SNX29: variants seen among roughly 807,000 people sequenced by gnomAD.
The protein encoded by SNX29 is sorting nexin-29.
In SNX29, 78 loss-of-function variants were observed where a neutral mutation model predicts 102.1. The ratio of observed to expected loss-of-function variants is 0.76; its 90% confidence interval spans 0.64 to 0.92. The LOEUF (loss-of-function observed/expected upper bound fraction) is 0.92, where lower values mean the gene tolerates loss of function less well. SNX29 is among the 40% of genes least tolerant of loss of function. The pLI is 0.00. For synonymous variants in SNX29, 580 were observed against 414.5 expected (o/e 1.40, Z -4.85); for missense variants, 1,280 against 1,061.7 (o/e 1.21, Z -2.86).
intron 15 of SNX29, among the ~76,000 whole-genome samples, chr16:12,346,389 T>C (rs1321256348): frequency 6.6e-6 from 1 of 152,218 alleles, no homozygotes; most frequent in East Asian, 1.9e-4. Flanking sequence ...TATTTAAACC[T>C]CACAAAAGCC....
chr16:12,152,809 C>G (rs1055729122), intron 13 of SNX29, among the ~76,000 whole-genome samples: 1 of 152,202 alleles, frequency 6.6e-6, no homozygotes, highest in Admixed American at 6.5e-5. Flanking sequence ...AGTAATGGTT[C>G]TGTCTCACAT....
At chr16:12,448,914 C>T (rs1008622936) in intron 18 of SNX29, among the ~76,000 whole-genome samples, 7 of 152,192 alleles carry the variant, frequency 4.6e-5, no homozygotes, top group Admixed American at 2.6e-4. Flanking sequence ...TCACTAGGCT[C>T]TACCCATAGG....
chr16:12,403,370 C>T (rs2084036495), intron 17 of SNX29, 78 bp from the exon 18 acceptor site: 7 of 1,423,816 alleles, frequency 4.9e-6, no homozygotes, highest in Non-Finnish European at 6.8e-6. Context: ...AAAATTGTCT[C>T]CTTTCCTCTT....
At chr16:12,241,952 C>T (rs2078116791) in intron 14 of SNX29, among the ~76,000 whole-genome samples, 1 of 152,112 alleles carries the variant, frequency 6.6e-6, no homozygotes, top group South Asian at 2.1e-4. Flanking sequence ...GCTCAGGTTC[C>T]TGGGGTTGCG....
intron 15 of SNX29, among the ~76,000 whole-genome samples, chr16:12,318,449 C>A (rs2080825410): frequency 6.6e-6 from 1 of 152,162 alleles, no homozygotes; most frequent in Non-Finnish European, 1.5e-5. Context: ...GACTTGGATA[C>A]AAACTCAGCA....
chr16:12,403,718 T>C (rs12924360), intron 18 of SNX29, among the ~76,000 whole-genome samples, 189 bp downstream of exon 18: 77,077 of 152,086 alleles, frequency 0.51, 20,069 homozygotes, highest in Non-Finnish European at 0.58. Flanking sequence ...GGCAGGGGGA[T>C]ACGGTGGGCC....
chr16:12,035,339 G>A (rs2057445517), intron 4 of SNX29, among the ~76,000 whole-genome samples: 1 of 151,706 alleles, frequency 6.6e-6, no homozygotes, highest in African/African-American at 2.4e-5. Flanking sequence ...GGCCTCTCAA[G>A]TAGCTGGGAC....
chr16:12,365,046 G>A (rs2082421043), intron 16 of SNX29, among the ~76,000 whole-genome samples: 1 of 152,172 alleles, frequency 6.6e-6, no homozygotes, highest in Admixed American at 6.5e-5. Flanking sequence ...TTGAGGTACA[G>A]AGAGGTTTTG....
At chr16:12,173,113 A>G (rs533789331) in intron 13 of SNX29, among the ~76,000 whole-genome samples, 32 of 152,324 alleles carry the variant, frequency 2.1e-4, no homozygotes, top group Middle Eastern at 3.4e-3. Flanking sequence ...AAGGAAGTCA[A>G]TTGGCGCCGG....
intron 7 of SNX29, among the ~76,000 whole-genome samples, chr16:12,050,796 C>G (rs2050267209): frequency 1.3e-5 from 2 of 152,116 alleles, no homozygotes; most frequent in Admixed American, 1.3e-4. Flanking sequence ...ACTGCAACCT[C>G]TGCCTCCCGT....
chr16:12,518,668 C>T (rs1469283535), intron 19 of SNX29, among the ~76,000 whole-genome samples: 2 of 152,206 alleles, frequency 1.3e-5, no homozygotes, highest in Non-Finnish European at 2.9e-5. Flanking sequence ...CACATTTAAA[C>T]TCCTCGAGGA....
chr16:12,456,251 A>G (rs2086532416), intron 18 of SNX29, among the ~76,000 whole-genome samples: 1 of 152,240 alleles, frequency 6.6e-6, no homozygotes, highest in South Asian at 2.1e-4. Flanking sequence ...AGAGGACAGC[A>G]AGCCATCAAT....
intron 16 of SNX29, among the ~76,000 whole-genome samples, chr16:12,357,148 A>G (rs536029423): frequency 3.8e-4 from 58 of 152,284 alleles, no homozygotes; most frequent in African/African-American, 1.3e-3. Flanking sequence ...CAACTTCTTT[A>G]TTATGTAAAA....
intron 15 of SNX29, among the ~76,000 whole-genome samples, chr16:12,299,577 A>C (rs2080095050): frequency 6.6e-6 from 1 of 152,104 alleles, no homozygotes; most frequent in African/African-American, 2.4e-5. Flanking sequence ...AAAGGTATTT[A>C]TACAGCATAA....
chr16:12,091,041 A>AAAAAAAAAAAAAAAAAAAC (rs2052512213), intron 11 of SNX29, among the ~76,000 whole-genome samples: 1 of 89,052 alleles, frequency 1.1e-5, no homozygotes, highest in Non-Finnish European at 2.3e-5. Flanking sequence ...AAAAAAAAGA[A>AAAAAAAAAAAAAAAAAAAC]AGAAAAAGAA....
intron 15 of SNX29, among the ~76,000 whole-genome samples, chr16:12,289,525 C>G (rs937786353): frequency 9.2e-5 from 14 of 152,128 alleles, no homozygotes; most frequent in African/African-American, 2.9e-4. Flanking sequence ...GCGCTGGGCC[C>G]TGATCTTTGC....
chr16:12,106,389 T>C (rs2053241233), intron 11 of SNX29, among the ~76,000 whole-genome samples: 1 of 152,150 alleles, frequency 6.6e-6, no homozygotes, highest in Admixed American at 6.5e-5. Context: ...ACATTTCAGA[T>C]GTTGCCCTTG....
chr16:12,097,997 A>G (rs1018430011), intron 11 of SNX29, among the ~76,000 whole-genome samples: 4 of 152,236 alleles, frequency 2.6e-5, no homozygotes, highest in Middle Eastern at 3.2e-3. Context: ...GCAGTCCCAC[A>G]TGAAGGGCTC....
At position 12,398,491 on chromosome 16, in the gene SNX29, G is replaced by A; in HGVS notation, c.1945G>A (p.Asp649Asn). ...AACGTCCGAAGACCAGAGTTTGTCG[G>A]ATTTTGAAATGTAAGTCCACAGCCT... is the stretch of plus-strand genomic sequence containing the variant. ...SQTSEDQSLSDFEISNRALIN... is the reference protein window; with the variant it reads ...SQTSEDQSLSNFEISNRALIN... Residue 649 changes from aspartate to asparagine, a missense_variant, in exon 17 of 21, where the codon GAT becomes AAT. Asp to Asn is a conservative substitution (Grantham distance 23). Transcript: ENST00000566228. 6.2e-7 allele frequency: 1 copy of A among 1,613,962 alleles called. No individual in the cohort carries two copies. Among genetic ancestry groups the A allele is most frequent in the Non-Finnish European group, 8.5e-7 (1 of 1,179,868 alleles).
Sources: allele counts gnomAD v4.1 joint callset (sites outside exome capture counted in the v4.1 genomes callset), GRCh38; gene constraint gnomAD v4.1.1; transcripts MANE v1.5; gene names NCBI Gene and HGNC (gene_info 2026-07-23, HGNC 2026-07-21).